Variants in SDK1 observed in about 807,000 individuals in gnomAD.
SDK1 encodes the protein sidekick cell adhesion molecule 1, also known as protein sidekick-1.
SDK1 carries 157 observed loss-of-function variants against 245.5 expected under a neutral mutation model. That is an observed-to-expected ratio of 0.64 (90% CI 0.56 to 0.73). The LOEUF (loss-of-function observed/expected upper bound fraction) is 0.73. SDK1 is among the 30% of genes least tolerant of loss of function. The pLI, the probability that SDK1 is intolerant of heterozygous loss-of-function variation, is 0.00. For synonymous variants in SDK1, 1,647 were observed against 1,278.5 expected (o/e 1.29, Z -6.15); for missense variants, 3,583 against 3,002.3 (o/e 1.19, Z -4.52).
intron 1 of SDK1, among the ~76,000 whole-genome samples, chr7:3,418,787 T>G (rs1257130235): frequency 6.6e-6 from 1 of 152,210 alleles, no homozygotes; most frequent in Non-Finnish European, 1.5e-5. Context: ...TTAGGCAAGT[T>G]GACTATTCTC....
intron 4 of SDK1, among the ~76,000 whole-genome samples, chr7:3,642,600 C>T (rs1782686954): frequency 6.6e-6 from 1 of 152,076 alleles, no homozygotes; most frequent in Admixed American, 6.5e-5. Flanking sequence ...TTTTATTTCT[C>T]TTCATCTAAT....
At chr7:4,101,516 C>A (rs1584134210) in intron 22 of SDK1, among the ~76,000 whole-genome samples, 1 of 152,200 alleles carries the variant, frequency 6.6e-6, no homozygotes, top group African/African-American at 2.4e-5. Flanking sequence ...GGAGCTTCTA[C>A]ATCAGGGTCC....
chr7:3,817,562 C>T (rs928705595), intron 4 of SDK1, among the ~76,000 whole-genome samples: 1 of 152,152 alleles, frequency 6.6e-6, no homozygotes, highest in African/African-American at 2.4e-5. Flanking sequence ...CCTGTGCTTC[C>T]AGGATTCCGA....
At chr7:4,187,728 G>T (rs927052606) in intron 35 of SDK1, among the ~76,000 whole-genome samples, 2 of 152,338 alleles carry the variant, frequency 1.3e-5, no homozygotes, top group South Asian at 4.1e-4. Flanking sequence ...TCCAAAGGTG[G>T]TTTGGGGTTC....
At chr7:3,418,707 C>T (rs897042304) in intron 1 of SDK1, among the ~76,000 whole-genome samples, 12 of 152,302 alleles carry the variant, frequency 7.9e-5, no homozygotes, top group Non-Finnish European at 1.3e-4. Context: ...TGGGCAGATA[C>T]ATCGGCGATA....
intron 28 of SDK1, among the ~76,000 whole-genome samples, chr7:4,134,352 C>T (rs1162841846): frequency 2.6e-5 from 4 of 152,150 alleles, no homozygotes; most frequent in African/African-American, 4.8e-5. Flanking sequence ...GGGCCTGGCC[C>T]GGCGGAGAGG....
chr7:3,825,627 C>G (rs974999926), intron 5 of SDK1, among the ~76,000 whole-genome samples: 1 of 152,168 alleles, frequency 6.6e-6, no homozygotes, highest in Non-Finnish European at 1.5e-5. Context: ...GCTTTTAATT[C>G]TGAAGACCAC....
chr7:3,543,825 A>C lies in SDK1; in HGVS notation c.299-75255A>C, dbSNP rs533056904. Among the ~76,000 whole-genome samples, 4 of 152,360 alleles carry C rather than the reference A, an allele frequency of 2.6e-5. No individual in the cohort carries two copies. In the East Asian group the frequency reaches 7.7e-4, roughly 29 times the overall value. ...AAAGGATGATCTTTTCAGAGTATGT[A>C]ATGAATATTAACTTCTTAGTGACTT... On this transcript the variant is annotated intron_variant, in intron 1 of 44. Transcript: ENST00000404826.
At chr7:3,421,280 C>G (rs1206931379) in intron 1 of SDK1, among the ~76,000 whole-genome samples, 1 of 152,010 alleles carries the variant, frequency 6.6e-6, no homozygotes, top group Admixed American at 6.6e-5. Context: ...CCATGTTGGC[C>G]AAGCTGGTCT....
chr7:3,357,517 A>AT lies in SDK1; in HGVS notation c.298+55644dup, dbSNP rs570887224. 6.6e-3 allele frequency among the ~76,000 whole-genome samples: 943 copies of AT among 143,522 alleles called. 11 individuals are homozygous for AT. Among genetic ancestry groups the AT allele is most frequent in the African/African-American group, 0.021 (817 of 39,358 alleles). The allele number at this position is 143,522 out of a possible 152,430, so 94.2% of individuals were successfully genotyped here. A position where few individuals can be genotyped will look rare whatever the true frequency, so the allele number is the denominator to read the frequency against. On this transcript the variant is annotated intron_variant, in intron 1 of 44. Coordinates refer to ENST00000404826, the MANE Select transcript of SDK1 (RefSeq NM_152744.4). ...GGTGCATGCCACGATACCTGGCTTA[A>AT]TTTTTTTTTTTGTAGAGATGGGGTC...
At position 3,689,014 on chromosome 7, in the gene SDK1, G is replaced by A. The variant is rs544894754; in HGVS notation, c.713+46909G>A. On this transcript the variant is annotated intron_variant, in intron 4 of 44. Transcript: ENST00000404826. ...TGTTCCCACCTTCTGCTATACTTGC[G>A]TTCCTGTAAATAAAGTTTTATTGTA... Among the ~76,000 whole-genome samples the A allele has an allele frequency of 3.5e-4, 54 of 152,260 alleles. 1 individual carries two copies. The highest frequency in any genetic ancestry group is 1.0e-3 in the South Asian group (5 of 4,822).
intron 4 of SDK1, among the ~76,000 whole-genome samples, chr7:3,778,255 A>C (rs1258881731): frequency 6.6e-6 from 1 of 152,202 alleles, no homozygotes; most frequent in African/African-American, 2.4e-5. Context: ...CCTAACTTAT[A>C]TTAGTCCATA....
At chr7:3,964,802 C>T (rs1243293569) in intron 9 of SDK1, among the ~76,000 whole-genome samples, 3 of 152,200 alleles carry the variant, frequency 2.0e-5, no homozygotes, top group Non-Finnish European at 2.9e-5. Flanking sequence ...TTCCCACCCA[C>T]AGCCTGCAAG....
chr7:4,168,020 A>T (rs774805369), intron 32 of SDK1, among the ~76,000 whole-genome samples: 10 of 152,242 alleles, frequency 6.6e-5, no homozygotes, highest in Non-Finnish European at 1.3e-4. Flanking sequence ...GATTACAGAC[A>T]GGTTAATCCC....
chr7:3,998,798 G>C (rs564398956), intron 14 of SDK1, among the ~76,000 whole-genome samples: 1 of 152,290 alleles, frequency 6.6e-6, no homozygotes, highest in East Asian at 1.9e-4. Flanking sequence ...TGTCTTCCAC[G>C]TGGAGTTCCG....
intron 1 of SDK1, among the ~76,000 whole-genome samples, chr7:3,561,808 T>C (rs528278564): frequency 6.6e-6 from 1 of 152,350 alleles, no homozygotes; most frequent in Admixed American, 6.5e-5. Context: ...TTTCTCTGAA[T>C]CTGGATTTAA....
At chr7:3,327,062 C>T (rs1228738500) in intron 1 of SDK1, among the ~76,000 whole-genome samples, 1 of 152,164 alleles carries the variant, frequency 6.6e-6, no homozygotes, top group African/African-American at 2.4e-5. Context: ...AGATAATGTT[C>T]AGTTCCAGAA....
At chr7:3,818,316 G>T (rs561748003) in intron 4 of SDK1, among the ~76,000 whole-genome samples, 4 of 152,168 alleles carry the variant, frequency 2.6e-5, no homozygotes, top group Non-Finnish European at 5.9e-5. Context: ...ATAAGGCCAG[G>T]TAATTCATAT....
intron 7 of SDK1, among the ~76,000 whole-genome samples, chr7:3,953,546 A>G (rs112100807): frequency 5.3e-5 from 8 of 152,322 alleles, no homozygotes; most frequent in African/African-American, 1.9e-4. Context: ...CACATTATAG[A>G]TTCAGCCAAA....
Sources: gnomAD v4.1 joint callset for allele counts (sites outside exome capture counted in the v4.1 genomes callset) on GRCh38, gnomAD v4.1.1 for gene constraint, MANE v1.5 for transcripts, NCBI Gene and HGNC (gene_info 2026-07-23, HGNC 2026-07-21) for gene names.